NLGN1: variants seen among roughly 807,000 people sequenced by gnomAD.
The protein encoded by NLGN1 is neuroligin-1.
A neutral mutation model predicts 65.5 loss-of-function variants in NLGN1; 12 were observed. The ratio of observed to expected loss-of-function variants is 0.18; its 90% CI spans 0.12 to 0.30. The LOEUF (loss-of-function observed/expected upper bound fraction) is 0.30. Among genes scored for constraint, NLGN1 ranks in the 10% least tolerant of loss-of-function variants. NLGN1 has a pLI of 1.00. For synonymous variants in NLGN1, 350 were observed against 359.5 expected, an observed-to-expected ratio of 0.97 and a Z score of 0.30; for missense variants, 750 against 1,007.1, an observed-to-expected ratio of 0.74 and a Z score of 3.46.
At chr3:174,214,779 C>A (rs1375257584) in intron 4 of NLGN1, among the ~76,000 whole-genome samples, 1 of 152,090 alleles carries the variant, frequency 6.6e-6, no homozygotes, top group African/African-American at 2.4e-5. Flanking sequence ...GATTGGTGGT[C>A]ATCAGGGACC....
At chr3:174,285,848 A>G (rs998436792) in exon 7 of NLGN1, 7 of 151,508 alleles carry the variant, frequency 4.6e-5, no homozygotes, top group African/African-American at 1.7e-4. Context: ...GTACAATAGG[A>G]TGACTATATT....
intron 2 of NLGN1, among the ~76,000 whole-genome samples, chr3:173,470,934 A>C (rs1037386403): frequency 6.6e-6 from 1 of 152,106 alleles, no homozygotes; most frequent in Non-Finnish European, 1.5e-5. Flanking sequence ...GAGACATCTC[A>C]AAGTCACACA....
intron 4 of NLGN1, among the ~76,000 whole-genome samples, chr3:174,071,228 T>C (rs1344208839): frequency 6.6e-6 from 1 of 152,166 alleles, no homozygotes; most frequent in Non-Finnish European, 1.5e-5. Context: ...GAATTTTATT[T>C]TTAAGATGGC....
chr3:174,181,778 T>TACACAC lies in NLGN1; in HGVS notation c.647-93513_647-93508dup, dbSNP rs3035853. On this transcript the variant is annotated intron_variant, in intron 4 of 6. Transcript: ENST00000457714. Reference sequence around the variant, plus strand: ...ACCCTGTCTCTCCAAAAAATAAAAATACACACACACACACACACACACACA... The same window carrying TACACAC: ...ACCCTGTCTCTCCAAAAAATAAAAATACACACACACACACACACACACACACACACA... Among the ~76,000 whole-genome samples, 1,377 of 142,668 alleles carry TACACAC rather than the reference T, an allele frequency of 9.7e-3. 36 individuals carry two copies. The highest frequency in any genetic ancestry group is 0.034 in the African/African-American group (1,287 of 37,910). The allele number at this position is 142,668 out of a possible 152,430, so 93.6% of individuals were successfully genotyped here.
chr3:173,440,588 G>A (rs1718986254), intron 2 of NLGN1, among the ~76,000 whole-genome samples: 1 of 152,112 alleles, frequency 6.6e-6, no homozygotes, highest in Non-Finnish European at 1.5e-5. Context: ...ATCTACATCA[G>A]AGCTCTTGAG....
chr3:173,712,321 A>G (rs1204666965), intron 3 of NLGN1, among the ~76,000 whole-genome samples: 1 of 152,198 alleles, frequency 6.6e-6, no homozygotes, highest in African/African-American at 2.4e-5. Flanking sequence ...CTATGAAGTA[A>G]TAGAAAGGGG....
chr3:173,847,214 A>G (rs1009891722), intron 4 of NLGN1, among the ~76,000 whole-genome samples: 1 of 152,334 alleles, frequency 6.6e-6, no homozygotes, highest in Admixed American at 6.5e-5. Context: ...TTAAAAAAAT[A>G]CTGCAATGAG....
At chr3:174,081,730 TC>T (rs1044948754) in intron 4 of NLGN1, among the ~76,000 whole-genome samples, 51 of 151,450 alleles carry the variant, frequency 3.4e-4, no homozygotes, top group African/African-American at 1.2e-3. Flanking sequence ...TGCCACCACG[TC>T]CAGCTAATTT....
chr3:173,426,538 C>A (rs1003832301), intron 1 of NLGN1, among the ~76,000 whole-genome samples: 1 of 151,948 alleles, frequency 6.6e-6, no homozygotes, highest in Non-Finnish European at 1.5e-5. Context: ...TTATTATGAA[C>A]AGATGCTACA....
At chr3:173,945,093 G>T (rs368430378) in intron 4 of NLGN1, among the ~76,000 whole-genome samples, 3 of 152,044 alleles carry the variant, frequency 2.0e-5, no homozygotes, top group East Asian at 2.0e-4. Flanking sequence ...CATTTGACCT[G>T]ATTTGAAAGT....
chr3:173,490,100 C>T (rs948262369), intron 2 of NLGN1, among the ~76,000 whole-genome samples: 5 of 152,056 alleles, frequency 3.3e-5, no homozygotes, highest in Non-Finnish European at 5.9e-5. Flanking sequence ...TTTGATCCCA[C>T]TTGTCAATTT....
intron 3 of NLGN1, among the ~76,000 whole-genome samples, chr3:173,653,903 C>A (rs1759587654): frequency 6.6e-6 from 1 of 152,104 alleles, no homozygotes; most frequent in South Asian, 2.1e-4. Context: ...CAAGCAGCTC[C>A]CTGTACAAGC....
intron 1 of NLGN1, among the ~76,000 whole-genome samples, chr3:173,414,135 G>T (rs1418047723): frequency 1.3e-5 from 2 of 152,158 alleles, no homozygotes; most frequent in Non-Finnish European, 2.9e-5. Context: ...AGAGGGGCAT[G>T]TCTGGTACCG....
intron 4 of NLGN1, among the ~76,000 whole-genome samples, chr3:173,812,183 G>A (rs1718082734): frequency 6.6e-6 from 1 of 152,042 alleles, no homozygotes; most frequent in East Asian, 1.9e-4. Context: ...CCCGTCCATG[G>A]AAAAAAATAA....
At chr3:173,809,314 T>C (rs1407441212) in intron 4 of NLGN1, among the ~76,000 whole-genome samples, 1 of 152,188 alleles carries the variant, frequency 6.6e-6, no homozygotes, top group Non-Finnish European at 1.5e-5. Flanking sequence ...TAAATCTTAA[T>C]GTTGTCATTT....
intron 3 of NLGN1, among the ~76,000 whole-genome samples, chr3:173,724,818 T>G (rs1430166936): frequency 6.6e-6 from 1 of 152,062 alleles, no homozygotes; most frequent in South Asian, 2.1e-4. Flanking sequence ...ATTAAGAAAA[T>G]GTGGCACATA....
At chr3:173,479,533 G>A (rs939880939) in intron 2 of NLGN1, among the ~76,000 whole-genome samples, 1 of 152,140 alleles carries the variant, frequency 6.6e-6, no homozygotes, top group African/African-American at 2.4e-5. Flanking sequence ...GATGGTCACT[G>A]TGATGTCCGG....
At chr3:174,225,433 T>TA (rs1406742068) in intron 4 of NLGN1, among the ~76,000 whole-genome samples, 1 of 152,086 alleles carries the variant, frequency 6.6e-6, no homozygotes, top group African/African-American at 2.4e-5. Context: ...TTTATTCCTG[T>TA]AATATTAGAT....
At chr3:173,595,738 G>A (rs1035716195) in intron 2 of NLGN1, among the ~76,000 whole-genome samples, 1 of 152,168 alleles carries the variant, frequency 6.6e-6, no homozygotes, top group African/African-American at 2.4e-5. Context: ...CACACTGCTG[G>A]GGAGGCCTCA....
Sources: allele counts gnomAD v4.1 joint callset (sites outside exome capture counted in the v4.1 genomes callset), GRCh38; gene constraint gnomAD v4.1.1; transcripts MANE v1.5; gene names NCBI Gene and HGNC (gene_info 2026-07-23, HGNC 2026-07-21).